CCDC85A: variants seen among roughly 807,000 people sequenced by gnomAD.
The protein encoded by CCDC85A is coiled-coil domain containing 85A, also known as coiled-coil domain-containing protein 85A.
A neutral mutation model predicts 50.2 loss-of-function variants in CCDC85A; 38 were observed. That is an observed-to-expected ratio of 0.76 (90% confidence interval 0.58 to 0.99). The LOEUF (loss-of-function observed/expected upper bound fraction) is 0.99. CCDC85A is among the 50% of genes least tolerant of loss of function. The probability of loss-of-function intolerance (pLI) is 0.00; values close to 1 mark genes in which losing one functional copy is unlikely to be tolerated. For synonymous variants in CCDC85A, 366 were observed against 301.4 expected (o/e 1.21, Z -2.22); for missense variants, 820 against 742.0 (o/e 1.11, Z -1.22).
intron 2 of CCDC85A, among the ~76,000 whole-genome samples, chr2:56,241,299 AAGC>A (rs1669246461): frequency 6.6e-6 from 1 of 152,152 alleles, no homozygotes; most frequent in African/African-American, 2.4e-5. Context: ...CCATCACTTC[AAGC>A]ATTTATCGTT....
In CCDC85A at chr2:56,385,483, G is replaced by C. The variant is rs1440005606; in HGVS notation, c.*1128G>C. 1.3e-5 allele frequency: 2 copies of C among 152,168 alleles called. No individual in the cohort carries two copies. Among genetic ancestry groups the C allele is most frequent in the Non-Finnish European group, 2.9e-5 (2 of 67,800 alleles). 9.4% of individuals were successfully genotyped at this position (152,168 alleles called of 1,614,324 possible). A position where few individuals can be genotyped will look rare whatever the true frequency, so the allele number is the denominator to read the frequency against. ...ACATTAGAATGTGTGTACTGGAAAT[G>C]CTATGATAGGTATTTTGTGTTAATC... On this transcript the variant is annotated 3_prime_UTR_variant, in exon 6 of 6. Transcript: ENST00000407595.
At chr2:56,196,979 G>A (rs1276939351) in intron 2 of CCDC85A, among the ~76,000 whole-genome samples, 1 of 151,884 alleles carries the variant, frequency 6.6e-6, no homozygotes, top group Non-Finnish European at 1.5e-5. Context: ...GTAACATTGT[G>A]CTCTCCTTAA....
At chr2:56,249,985 A>T (rs1189791662) in intron 2 of CCDC85A, among the ~76,000 whole-genome samples, 1 of 152,128 alleles carries the variant, frequency 6.6e-6, no homozygotes, top group Non-Finnish European at 1.5e-5. Context: ...GCTTTTGAGG[A>T]TCTTGAAATG....
intron 2 of CCDC85A, among the ~76,000 whole-genome samples, chr2:56,314,394 C>T (rs999254643): frequency 4.6e-5 from 7 of 151,928 alleles, no homozygotes; most frequent in Non-Finnish European, 1.0e-4. Context: ...TCAGTTTCCT[C>T]ATCTGTGGAA....
At chr2:56,329,087 C>G (rs1043296315) in intron 2 of CCDC85A, among the ~76,000 whole-genome samples, 1 of 152,162 alleles carries the variant, frequency 6.6e-6, no homozygotes, top group Non-Finnish European at 1.5e-5. Flanking sequence ...CAACTGCATC[C>G]TCCCTGTCTT....
chr2:56,369,492 TG>T (rs1004773853), intron 3 of CCDC85A, among the ~76,000 whole-genome samples: 3 of 152,164 alleles, frequency 2.0e-5, no homozygotes, highest in African/African-American at 7.2e-5. Flanking sequence ...CTAAAGGCTA[TG>T]ACTCATGCTA....
chr2:56,251,720 T>C (rs150196542), intron 2 of CCDC85A, among the ~76,000 whole-genome samples: 121 of 152,040 alleles, frequency 8.0e-4, no homozygotes, highest in African/African-American at 2.9e-3. Context: ...CTTTGGTCCT[T>C]TTACTGATTT....
At position 56,184,648 on chromosome 2, in the gene CCDC85A, GGCGGCGGCT is replaced by G. The variant is rs1405955545; in HGVS notation, c.33_41del (p.Ala13_Ala15del). The G allele has an allele frequency of 2.1e-6, 3 of 1,439,090 alleles. No individual in the cohort carries two copies. Among genetic ancestry groups the G allele is most frequent in the East Asian group, 2.8e-5 (1 of 35,212 alleles). The allele number at this position is 1,439,090 out of a possible 1,614,324, so 89.1% of individuals were successfully genotyped here. On this transcript the variant is annotated inframe_deletion, in exon 1 of 6. Transcript: ENST00000407595. ...CCATGTCGAAGGCGGCCGGAGGCGC[GGCGGCGGCT>G]GCGGCGGCGGCGGAAAGTTGTTCCC...
At chr2:56,235,572 A>G (rs565364105) in intron 2 of CCDC85A, among the ~76,000 whole-genome samples, 1 of 152,168 alleles carries the variant, frequency 6.6e-6, no homozygotes, top group Non-Finnish European at 1.5e-5. Context: ...CTTGGTGTCC[A>G]TCCGTAAGAC....
At chr2:56,366,787 C>T (rs764425001) in intron 3 of CCDC85A, among the ~76,000 whole-genome samples, 12 of 152,150 alleles carry the variant, frequency 7.9e-5, no homozygotes, top group East Asian at 1.9e-4. Context: ...CTCTGCCTGC[C>T]GAGGAGTCTG....
intron 2 of CCDC85A, among the ~76,000 whole-genome samples, chr2:56,195,918 G>T (rs1408895835): frequency 6.6e-6 from 1 of 152,108 alleles, no homozygotes; most frequent in Non-Finnish European, 1.5e-5. Flanking sequence ...GCAGGATATT[G>T]TCCTACCTGT....
At chr2:56,314,325 T>G (rs1672824713) in intron 2 of CCDC85A, among the ~76,000 whole-genome samples, 1 of 151,804 alleles carries the variant, frequency 6.6e-6, no homozygotes, top group Non-Finnish European at 1.5e-5. Flanking sequence ...TCCCTGCTCT[T>G]CCACATACTA....
chr2:56,342,756 C>G lies in CCDC85A; in HGVS notation c.1241-123C>G, dbSNP rs1368822952. 1.2e-5 allele frequency: 6 copies of G among 489,460 alleles called. No individual in the cohort carries two copies. In the East Asian group the frequency reaches 1.5e-4, roughly 12 times the overall value. The allele number at this position is 489,460 out of a possible 1,614,324, so 30.3% of individuals were successfully genotyped here. On this transcript the variant is annotated intron_variant, in intron 2 of 5. Transcript: ENST00000407595. Reference sequence around the variant, plus strand: ...ATTTTTCTGGGAGATATTTTTTTTTCTCATTTTAAATAACAGACTAAATAG... The same window carrying G: ...ATTTTTCTGGGAGATATTTTTTTTTGTCATTTTAAATAACAGACTAAATAG...
At chr2:56,325,001 G>C (rs968349016) in intron 2 of CCDC85A, among the ~76,000 whole-genome samples, 2 of 151,964 alleles carry the variant, frequency 1.3e-5, no homozygotes, top group African/African-American at 4.8e-5. Context: ...GCACTGAAAA[G>C]AGATAACTAA....
intron 2 of CCDC85A, among the ~76,000 whole-genome samples, chr2:56,285,247 G>A (rs556847515): frequency 6.3e-4 from 95 of 150,992 alleles, no homozygotes; most frequent in Non-Finnish European, 9.9e-4. Context: ...GATTACAGGC[G>A]CATGCCACCA....
At chr2:56,194,377 A>C (rs1676445682) in intron 2 of CCDC85A, among the ~76,000 whole-genome samples, 1 of 152,044 alleles carries the variant, frequency 6.6e-6, no homozygotes, top group African/African-American at 2.4e-5. Context: ...AAACAAAAAA[A>C]CTCCACAATC....
chr2:56,298,328 A>G (rs561160182), intron 2 of CCDC85A, among the ~76,000 whole-genome samples: 2 of 152,290 alleles, frequency 1.3e-5, no homozygotes, highest in South Asian at 4.2e-4. Flanking sequence ...AGACCCCTGC[A>G]TTGCCTAGGA....
At chr2:56,330,671 C>G (rs1400787234) in intron 2 of CCDC85A, among the ~76,000 whole-genome samples, 1 of 152,104 alleles carries the variant, frequency 6.6e-6, no homozygotes, top group Non-Finnish European at 1.5e-5. Context: ...TACCAATTCC[C>G]AAGGAACAAG....
At chr2:56,224,959 G>A (rs988529356) in intron 2 of CCDC85A, among the ~76,000 whole-genome samples, 20 of 151,780 alleles carry the variant, frequency 1.3e-4, no homozygotes, top group African/African-American at 4.1e-4. Flanking sequence ...TTCTTTTATT[G>A]CCATGCTTTT....
Sources: gnomAD v4.1 joint callset for allele counts (sites outside exome capture counted in the v4.1 genomes callset) on GRCh38, gnomAD v4.1.1 for gene constraint, MANE v1.5 for transcripts, NCBI Gene and HGNC (gene_info 2026-07-23, HGNC 2026-07-21) for gene names.